The following GOLGA8B variants were observed in gnomAD, a reference collection of about 807,000 sequenced individuals.
GOLGA8B encodes golgin subfamily A member 8B.
A neutral mutation model predicts 15.6 loss-of-function variants in GOLGA8B; 1 was observed. The observed-to-expected ratio is 0.06, with a 90% CI of 0.02 to 0.30. The LOEUF (loss-of-function observed/expected upper bound fraction) is 0.30, where lower values mean the gene tolerates loss of function less well. GOLGA8B is among the 10% of genes least tolerant of loss of function. GOLGA8B has a pLI of 1.00. For missense variants in GOLGA8B, 17 were observed against 201.3 expected, an observed-to-expected ratio of 0.08 and a Z score of 5.54; for synonymous variants, 9 against 80.3, an observed-to-expected ratio of 0.11 and a Z score of 4.75.
At chr15:34,564,431 C>T (rs199905484) in intron 1 of GOLGA8B, among the ~76,000 whole-genome samples, 20,358 of 141,346 alleles carry the variant, frequency 0.14, 398 homozygotes, top group Admixed American at 0.24. Flanking sequence ...AAGGTTTTCA[C>T]TTTTTGCATC....
intron 1 of GOLGA8B, among the ~76,000 whole-genome samples, chr15:34,565,123 A>G (rs1235825452): frequency 1.7e-5 from 2 of 120,842 alleles, no homozygotes; most frequent in African/African-American, 5.8e-5. Context: ...TCAGCCTCTT[A>G]GATCCAGTTC....
chr15:34,570,439 C>CACTCTGTG (rs1245179549), intron 1 of GOLGA8B, among the ~76,000 whole-genome samples: 1 of 126,310 alleles, frequency 7.9e-6, no homozygotes, highest in African/African-American at 2.8e-5. Context: ...GGCCTGCTTC[C>CACTCTGTG]ACTCTGTGAC....
Position 34,527,386 on chromosome 15 carries a change from G to T in GOLGA8B, c.*246C>A. 1 of 490,374 alleles carries T rather than the reference G, an allele frequency of 2.0e-6. No homozygotes were observed. Among genetic ancestry groups the T allele is most frequent in the Non-Finnish European group, 3.5e-6 (1 of 286,554 alleles). 30.4% of individuals were successfully genotyped at this position (490,374 alleles called of 1,614,324 possible). On this transcript the variant is annotated 3_prime_UTR_variant, in exon 24 of 24. Coordinates refer to ENST00000683415, the MANE Select transcript of GOLGA8B (RefSeq NM_001023567.5). The stretch of plus-strand genomic sequence containing the variant: ...GGGCAAACTCGATATGCATGCTAAT[G>T]ACCTACAATTATGAAATGAAAAAAG...
intron 1 of GOLGA8B, among the ~76,000 whole-genome samples, chr15:34,567,524 A>C (rs1479691900): frequency 6.6e-6 from 1 of 151,764 alleles, no homozygotes; most frequent in Non-Finnish European, 1.5e-5. Flanking sequence ...GAGAAGAGTC[A>C]CATGAAGGTA....
chr15:34,566,542 T>C (rs1329267990), intron 1 of GOLGA8B: 3 of 139,070 alleles, frequency 2.2e-5, no homozygotes, highest in East Asian at 4.0e-4. Context: ...CATCAGGGAG[T>C]GACAGGGGCG....
rs1320570249 is a variant in GOLGA8B at position 34,561,486 on chromosome 15, G to GA, written c.-1122-7531dup. 2.9e-4 allele frequency among the ~76,000 whole-genome samples: 32 copies of GA among 110,170 alleles called. No individual in the cohort carries two copies. The Admixed American group carries it at 3.0e-3, about 10-fold the overall frequency. 72.3% of individuals were successfully genotyped at this position (110,170 alleles called of 152,430 possible). On this transcript the variant is annotated intron_variant, in intron 1 of 23. Transcript: ENST00000683415. ...TCCCTCTCCCCGCAGCCCCCACAAT[G>GA]AAAAATCTGTTTTCTCACTTTGGAT...
intron 1 of GOLGA8B, among the ~76,000 whole-genome samples, chr15:34,579,234 T>C (rs1451133982): frequency 6.6e-6 from 1 of 151,740 alleles, no homozygotes; most frequent in Non-Finnish European, 1.5e-5. Context: ...CCCTTTCTCA[T>C]AAAACCAAAG....
chr15:34,578,482 C>T (rs756741624), intron 1 of GOLGA8B, among the ~76,000 whole-genome samples: 26 of 152,294 alleles, frequency 1.7e-4, no homozygotes, highest in Admixed American at 1.3e-3. Context: ...CAGCAGGAGA[C>T]AGAGAGAAAA....
intron 1 of GOLGA8B, chr15:34,582,960 GGT>G (rs1279280338): frequency 6.6e-6 from 1 of 152,230 alleles, no homozygotes; most frequent in Admixed American, 6.5e-5. Context: ...GGGGCAACAA[GGT>G]GTGGGGTTTT....
intron 1 of GOLGA8B, among the ~76,000 whole-genome samples, chr15:34,574,309 T>C (rs1474746675): frequency 6.6e-6 from 1 of 151,906 alleles, no homozygotes; most frequent in Non-Finnish European, 1.5e-5. Flanking sequence ...CAGACTTTTT[T>C]TTTTTTTTTT....
chr15:34,565,143 T>TC, intron 1 of GOLGA8B, among the ~76,000 whole-genome samples: 1 of 135,074 alleles, frequency 7.4e-6, no homozygotes, highest in East Asian at 2.0e-4. Context: ...CTCTTTTTTT[T>TC]TTTTTTTTTG....
Position 34,527,238 on chromosome 15 carries a change from G to A in GOLGA8B, c.*394C>T. The A allele has an allele frequency of 3.0e-6, 1 of 336,170 alleles. No individual in the cohort carries two copies. The highest frequency in any genetic ancestry group is 2.6e-5 in the South Asian group (1 of 39,066). The allele number at this position is 336,170 out of a possible 1,614,324, so 20.8% of individuals were successfully genotyped here. A position where few individuals can be genotyped will look rare whatever the true frequency, so the allele number is the denominator to read the frequency against. ...AGCAGAACATTAGCAAATTTTATCTGAATTCTGTAATGAACATCCATGCTG... is the reference window on the plus strand; with the variant it reads ...AGCAGAACATTAGCAAATTTTATCTAAATTCTGTAATGAACATCCATGCTG... On this transcript the variant is annotated 3_prime_UTR_variant, in exon 24 of 24. Transcript: ENST00000683415.
intron 1 of GOLGA8B, among the ~76,000 whole-genome samples, chr15:34,556,981 C>T (rs977739727): frequency 1.2e-3 from 184 of 147,802 alleles, no homozygotes; most frequent in Non-Finnish European, 1.6e-3. Context: ...AGACATGTTG[C>T]GTGGATGCTC....
intron 1 of GOLGA8B, among the ~76,000 whole-genome samples, chr15:34,572,963 C>T (rs77256579): frequency 1.3e-5 from 2 of 152,150 alleles, no homozygotes; most frequent in African/African-American, 2.4e-5. Context: ...AAAACAGAGA[C>T]ATCAAGCCAG....
intron 7 of GOLGA8B, among the ~76,000 whole-genome samples, chr15:34,542,559 GGTTTTATCA>G (rs1888224270): frequency 6.6e-6 from 1 of 151,632 alleles, no homozygotes; most frequent in African/African-American, 2.4e-5. Context: ...TTCTCCCTGT[GGTTTTATCA>G]GTTTTTCCTC....
At chr15:34,579,895 G>A (rs1889185001) in intron 1 of GOLGA8B, among the ~76,000 whole-genome samples, 1 of 152,226 alleles carries the variant, frequency 6.6e-6, no homozygotes, top group Non-Finnish European at 1.5e-5. Flanking sequence ...AGTGATAAGA[G>A]ACTGACAATA....
intron 1 of GOLGA8B, among the ~76,000 whole-genome samples, chr15:34,580,123 A>G (rs1362247925): frequency 6.6e-6 from 1 of 152,178 alleles, no homozygotes; most frequent in African/African-American, 2.4e-5. Context: ...GGCCTGGCAA[A>G]TCCGAGGACC....
At chr15:34,582,418 C>A (rs1195816065) in intron 1 of GOLGA8B, among the ~76,000 whole-genome samples, 1 of 152,242 alleles carries the variant, frequency 6.6e-6, no homozygotes, top group East Asian at 1.9e-4. Context: ...CAGAAAGAGG[C>A]ACAGGAGGTT....
intron 1 of GOLGA8B, among the ~76,000 whole-genome samples, chr15:34,554,169 G>C (rs1888426330): frequency 1.4e-5 from 2 of 140,790 alleles, no homozygotes; most frequent in African/African-American, 5.2e-5. Flanking sequence ...TCATGTTAGT[G>C]ATGAACTTGG....
Sources: allele counts gnomAD v4.1 joint callset (sites outside exome capture counted in the v4.1 genomes callset), GRCh38; gene constraint gnomAD v4.1.1; transcripts MANE v1.5; gene names NCBI Gene and HGNC (gene_info 2026-07-23, HGNC 2026-07-21).